The following SLC17A6 variants were observed in gnomAD, a reference collection of about 807,000 sequenced individuals.
SLC17A6 encodes the protein solute carrier family 17 member 6, also known as vesicular glutamate transporter 2.
SLC17A6 carries 35 observed loss-of-function variants against 67.1 expected under a neutral mutation model. The ratio of observed to expected loss-of-function variants is 0.52; its 90% confidence interval spans 0.40 to 0.69. The LOEUF (loss-of-function observed/expected upper bound fraction) is 0.69. SLC17A6 is among the 30% of genes least tolerant of loss of function. The pLI is 0.00. For missense variants in SLC17A6, 588 were observed against 723.9 expected, an observed-to-expected ratio of 0.81 and a Z score of 2.15; for synonymous variants, 285 against 252.3, an observed-to-expected ratio of 1.13 and a Z score of -1.23.
At chr11:22,359,660 A>G (rs1213690268) in intron 4 of SLC17A6, 133 bp downstream of exon 4, 1 of 435,820 alleles carries the variant, frequency 2.3e-6, no homozygotes, top group East Asian at 3.7e-5. Flanking sequence ...AAAAAATGAA[A>G]CACTGGAAAT....
chr11:22,343,905 C>T (rs1028803700), intron 3 of SLC17A6, among the ~76,000 whole-genome samples: 4 of 152,096 alleles, frequency 2.6e-5, no homozygotes. Context: ...TAATGAGCTG[C>T]GTAGGGGCGG....
rs2133854417 is a variant in SLC17A6, at chr11:22,338,402, G to A, written c.-132G>A. On this transcript the variant is annotated 5_prime_UTR_variant, in exon 1 of 12. Coordinates refer to ENST00000263160, the MANE Select transcript of SLC17A6 (RefSeq NM_020346.3). ...TCTCACTCTCACTCTTGCTGGAGGC[G>A]AGCCACTACCATTCTGCTGAGAAGG... 1 of 626,624 alleles carries A rather than the reference G, an allele frequency of 1.6e-6. No homozygotes were observed. The allele number at this position is 626,624 out of a possible 1,614,324, so 38.8% of individuals were successfully genotyped here. A position where few individuals can be genotyped will look rare whatever the true frequency, so the allele number is the denominator to read the frequency against.
intron 7 of SLC17A6, among the ~76,000 whole-genome samples, chr11:22,369,006 A>C (rs1191839550): frequency 6.6e-6 from 1 of 151,974 alleles, no homozygotes; most frequent in African/African-American, 2.4e-5. Flanking sequence ...CAATACTAGC[A>C]ATTATGAGGT....
At chr11:22,376,186 T>C in intron 10 of SLC17A6, 94 bp downstream of exon 10, 2 of 689,098 alleles carry the variant, frequency 2.9e-6, no homozygotes, top group East Asian at 5.5e-5. Flanking sequence ...GATATCTTCA[T>C]ATATATATTC....
intron 7 of SLC17A6, 95 bp downstream of exon 7, chr11:22,365,784 T>G: frequency 7.6e-7 from 1 of 1,312,462 alleles, no homozygotes; most frequent in Non-Finnish European, 1.0e-6. Context: ...TCAGCAAAAC[T>G]AATTTGGTAT....
intron 6 of SLC17A6, among the ~76,000 whole-genome samples, chr11:22,365,265 A>G (rs1856098667): frequency 6.6e-6 from 1 of 152,182 alleles, no homozygotes; most frequent in South Asian, 2.1e-4. Flanking sequence ...TGTCGGATGA[A>G]TGAATACCTT....
chr11:22,354,072 A>G (rs1855971406), intron 3 of SLC17A6, among the ~76,000 whole-genome samples: 1 of 151,150 alleles, frequency 6.6e-6, no homozygotes, highest in South Asian at 2.1e-4. Flanking sequence ...GTGCTAAACA[A>G]TTTATATTTT....
chr11:22,376,571 G>A lies in SLC17A6; in HGVS notation c.1312G>A (p.Ala438Thr), dbSNP rs781200170. 5 of 1,613,702 alleles carry A rather than the reference G, an allele frequency of 3.1e-6. No individual in the cohort carries two copies. The highest frequency in any genetic ancestry group is 1.7e-5 in the Admixed American group (1 of 59,982). The change falls in exon 11 of 12, where the codon GCT (alanine) becomes ACT (threonine). Residue 438 changes from alanine to threonine, a missense_variant. Ala to Thr is a moderately conservative substitution (Grantham distance 58). Transcript: ENST00000263160. ...SGFNVNHLDI[A>T]PRYASILMGI... The stretch of plus-strand genomic sequence containing the variant: ...TTTCAATGTTAACCACTTGGATATC[G>A]CTCCAAGATATGCCAGTATCTTAAT...
chr11:22,374,924 T>G (rs1246790578), intron 9 of SLC17A6, 37 bp downstream of exon 9: 1 of 1,578,626 alleles, frequency 6.3e-7, no homozygotes, highest in African/African-American at 1.4e-5. Flanking sequence ...ATGTTTTTAG[T>G]TCAATCAGTT....
intron 3 of SLC17A6, among the ~76,000 whole-genome samples, chr11:22,348,728 A>G (rs1446345754): frequency 6.6e-6 from 1 of 152,240 alleles, no homozygotes; most frequent in Non-Finnish European, 1.5e-5. Flanking sequence ...CTTAAAAGTG[A>G]GCAAACCCAA....
chr11:22,362,669 G>T (rs1856066274), intron 5 of SLC17A6, 70 bp from the exon 6 acceptor site: 1 of 1,282,556 alleles, frequency 7.8e-7, no homozygotes, highest in Non-Finnish European at 1.1e-6. Flanking sequence ...ATCAACAAAG[G>T]AATGTGAGAT....
intron 2 of SLC17A6, 44 bp from the exon 3 acceptor site, chr11:22,343,203 G>A: frequency 6.6e-7 from 1 of 1,510,988 alleles, no homozygotes; most frequent in Non-Finnish European, 9.2e-7. Flanking sequence ...CTTTGGTACT[G>A]ACTCTACTCT....
At chr11:22,369,983 A>G (rs1217156830) in intron 7 of SLC17A6, 56 bp from the exon 8 acceptor site, 11 of 1,541,480 alleles carry the variant, frequency 7.1e-6, no homozygotes, top group Non-Finnish European at 9.7e-6. Flanking sequence ...TATTATTCCC[A>G]CTTAGGTTTG....
chr11:22,354,566 C>T (rs1384635885), intron 3 of SLC17A6, among the ~76,000 whole-genome samples: 1 of 152,128 alleles, frequency 6.6e-6, no homozygotes, highest in African/African-American at 2.4e-5. Flanking sequence ...ACTGCTACTA[C>T]CATCCATCTT....
Position 22,376,406 on chromosome 11 carries a change from C to T in SLC17A6, c.1286-139C>T, listed in dbSNP as rs187641739. The T allele has an allele frequency of 2.2e-4, 198 of 897,218 alleles. 1 individual carries two copies. The highest frequency in any genetic ancestry group is 1.7e-3 in the South Asian group (95 of 56,702). The allele number at this position is 897,218 out of a possible 1,614,324, so 55.6% of individuals were successfully genotyped here. ...CCTCATTCTATTCTCATTATATCCC[C>T]GAGAGAAATTATCACAAAGTAATTA... On this transcript the variant is annotated intron_variant, in intron 10 of 11. Transcript: ENST00000263160.
chr11:22,339,180 T>C (rs796501322), intron 1 of SLC17A6, among the ~76,000 whole-genome samples: 1 of 32,140 alleles, frequency 3.1e-5, no homozygotes, highest in Non-Finnish European at 5.2e-5. Flanking sequence ...ATATATATGT[T>C]TTATATATAT....
intron 3 of SLC17A6, among the ~76,000 whole-genome samples, chr11:22,348,567 C>A (rs1435978340): frequency 1.3e-5 from 2 of 152,144 alleles, no homozygotes; most frequent in Admixed American, 1.3e-4. Flanking sequence ...GACACCTTGT[C>A]AGTTTGGGCT....
chr11:22,378,479 C>CT lies in SLC17A6; in HGVS notation c.*745dup, dbSNP rs1303526649. ...ACTTTTCATGTAGCGTATCACATAA[C>CT]TTTTTTGCAAAAAATATAAAAAGAA... On this transcript the variant is annotated 3_prime_UTR_variant, in exon 12 of 12. Coordinates refer to ENST00000263160, the MANE Select transcript of SLC17A6 (RefSeq NM_020346.3). The CT allele has an allele frequency of 3.3e-5, 5 of 152,294 alleles. No homozygotes were observed. Among genetic ancestry groups the CT allele is most frequent in the Non-Finnish European group, 7.4e-5 (5 of 67,962 alleles). 9.4% of individuals were successfully genotyped at this position (152,294 alleles called of 1,614,324 possible).
intron 3 of SLC17A6, among the ~76,000 whole-genome samples, chr11:22,348,903 G>A (rs1361521995): frequency 6.6e-6 from 1 of 152,156 alleles, no homozygotes; most frequent in Non-Finnish European, 1.5e-5. Flanking sequence ...CATGTGTTAA[G>A]CCCAGAAAGG....
Sources: gnomAD v4.1 joint callset for allele counts (sites outside exome capture counted in the v4.1 genomes callset) on GRCh38, gnomAD v4.1.1 for gene constraint, MANE v1.5 for transcripts, NCBI Gene and HGNC (gene_info 2026-07-23, HGNC 2026-07-21) for gene names.